BMP6: variants seen among roughly 807,000 people sequenced by gnomAD.
The protein encoded by BMP6 is bone morphogenetic protein 6, also known as VG-1-R.
Under a neutral mutation model 54.1 loss-of-function variants are expected in BMP6, and 17 were observed. The ratio of observed to expected loss-of-function variants is 0.31; its 90% CI spans 0.22 to 0.47. BMP6 has a LOEUF of 0.47. Among genes scored for constraint, BMP6 ranks in the 20% least tolerant of loss-of-function variants. The probability of loss-of-function intolerance (pLI) is 1.00; values close to 1 mark genes in which losing one functional copy is unlikely to be tolerated. For synonymous variants in BMP6, 328 were observed against 291.2 expected (o/e 1.13, Z -1.28); for missense variants, 720 against 690.4 (o/e 1.04, Z -0.48).
intron 1 of BMP6, among the ~76,000 whole-genome samples, chr6:7,814,808 C>T (rs187472636): frequency 6.6e-4 from 101 of 151,976 alleles, no homozygotes; most frequent in Non-Finnish European, 1.2e-3. Flanking sequence ...CATCACATAC[C>T]GGGGCCTGTC....
chr6:7,803,269 AG>A, intron 1 of BMP6, among the ~76,000 whole-genome samples: 1 of 152,208 alleles, frequency 6.6e-6, no homozygotes, highest in South Asian at 2.1e-4. Flanking sequence ...TTGGGGAGGG[AG>A]GTGACGGCCA....
chr6:7,877,073 A>G (rs886072976), intron 4 of BMP6, among the ~76,000 whole-genome samples: 1 of 151,216 alleles, frequency 6.6e-6, no homozygotes, highest in Non-Finnish European at 1.5e-5. Flanking sequence ...GGTTCTTTTC[A>G]GTAGGAAGTT....
chr6:7,875,353 G>A (rs1333804273), intron 4 of BMP6, among the ~76,000 whole-genome samples: 1 of 152,088 alleles, frequency 6.6e-6, no homozygotes, highest in Non-Finnish European at 1.5e-5. Context: ...ATTTCTTCCA[G>A]AAATACCTTC....
intron 2 of BMP6, among the ~76,000 whole-genome samples, chr6:7,858,067 G>A (rs1759276387): frequency 6.6e-6 from 1 of 152,066 alleles, no homozygotes; most frequent in African/African-American, 2.4e-5. Flanking sequence ...CCCTGATGGG[G>A]GAGGCCCACT....
chr6:7,795,488 A>G (rs1044186048), intron 1 of BMP6, among the ~76,000 whole-genome samples: 1 of 152,210 alleles, frequency 6.6e-6, no homozygotes, highest in Admixed American at 6.5e-5. Flanking sequence ...GTGGCTGGAC[A>G]GAGAGGCAAG....
At chr6:7,756,119 T>C (rs1024449614) in intron 1 of BMP6, among the ~76,000 whole-genome samples, 1 of 152,148 alleles carries the variant, frequency 6.6e-6, no homozygotes, top group African/African-American at 2.4e-5. Context: ...TTTTTGGCTT[T>C]CCTCTTTCGT....
At chr6:7,830,443 T>C (rs1346821229) in intron 1 of BMP6, among the ~76,000 whole-genome samples, 27 of 152,266 alleles carry the variant, frequency 1.8e-4, no homozygotes, top group Non-Finnish European at 1.5e-5. Context: ...TACATAGCCT[T>C]GGGGTGAGGG....
At chr6:7,795,685 C>T (rs1333391898) in intron 1 of BMP6, among the ~76,000 whole-genome samples, 1 of 152,070 alleles carries the variant, frequency 6.6e-6, no homozygotes, top group Non-Finnish European at 1.5e-5. Context: ...TCACATTGTC[C>T]AGCAGAGAGA....
At chr6:7,784,415 GTC>G (rs900516173) in intron 1 of BMP6, among the ~76,000 whole-genome samples, 2 of 145,308 alleles carry the variant, frequency 1.4e-5, no homozygotes, top group Non-Finnish European at 3.0e-5. Flanking sequence ...GTGTGTAGGC[GTC>G]TGAGTGTGTG....
intron 1 of BMP6, among the ~76,000 whole-genome samples, chr6:7,736,555 T>TC (rs1456346271): frequency 2.0e-5 from 3 of 152,170 alleles, no homozygotes; most frequent in Non-Finnish European, 4.4e-5. Flanking sequence ...TAACAGAGAC[T>TC]CCATCAATTC....
intron 1 of BMP6, among the ~76,000 whole-genome samples, chr6:7,785,303 G>A (rs543407156): frequency 6.6e-6 from 1 of 152,330 alleles, no homozygotes; most frequent in South Asian, 2.1e-4. Context: ...TAATATAGCT[G>A]GGAGTGTGGT....
chr6:7,851,558 A>G (rs1479333772), intron 2 of BMP6, among the ~76,000 whole-genome samples: 1 of 151,894 alleles, frequency 6.6e-6, no homozygotes, highest in Non-Finnish European at 1.5e-5. Flanking sequence ...TTTCAATTCT[A>G]TTTTTTATTT....
chr6:7,857,085 C>A (rs1417536310), intron 2 of BMP6, among the ~76,000 whole-genome samples: 2 of 152,118 alleles, frequency 1.3e-5, no homozygotes, highest in Non-Finnish European at 2.9e-5. Context: ...CAATGGTGCT[C>A]TCTGTCAGCC....
intron 1 of BMP6, among the ~76,000 whole-genome samples, chr6:7,753,193 TGGTCACTG>T (rs1395294989): frequency 6.6e-6 from 1 of 152,220 alleles, no homozygotes; most frequent in Non-Finnish European, 1.5e-5. Flanking sequence ...ATTGATCAAA[TGGTCACTG>T]GTAAGCCCTG....
At chr6:7,803,705 T>G in intron 1 of BMP6, among the ~76,000 whole-genome samples, 1 of 152,308 alleles carries the variant, frequency 6.6e-6, no homozygotes, top group East Asian at 1.9e-4. Context: ...TTGTAACTTA[T>G]GAATACCGCT....
chr6:7,804,973 A>G (rs1758327499), intron 1 of BMP6, among the ~76,000 whole-genome samples: 1 of 152,164 alleles, frequency 6.6e-6, no homozygotes, highest in African/African-American at 2.4e-5. Context: ...GATGCTTGTA[A>G]ACTCCCTCTC....
At chr6:7,820,282 G>A (rs189945700) in intron 1 of BMP6, among the ~76,000 whole-genome samples, 173 of 152,240 alleles carry the variant, frequency 1.1e-3, no homozygotes, top group African/African-American at 3.9e-3. Flanking sequence ...AGATTGCTTT[G>A]GGTATTGCAG....
At chr6:7,806,513 T>A (rs1561777662) in intron 1 of BMP6, among the ~76,000 whole-genome samples, 1 of 152,200 alleles carries the variant, frequency 6.6e-6, no homozygotes, top group Non-Finnish European at 1.5e-5. Flanking sequence ...TGTAATTGCG[T>A]GAATGTATTC....
chr6:7,864,747 T>G (rs901502971), intron 4 of BMP6, among the ~76,000 whole-genome samples: 4 of 152,252 alleles, frequency 2.6e-5, no homozygotes, highest in Admixed American at 1.3e-4. Flanking sequence ...TCGGAAGCAT[T>G]GCTCACAGCA....
Sources: gnomAD v4.1 joint callset for allele counts (sites outside exome capture counted in the v4.1 genomes callset) on GRCh38, gnomAD v4.1.1 for gene constraint, MANE v1.5 for transcripts, NCBI Gene and HGNC (gene_info 2026-07-23, HGNC 2026-07-21) for gene names.